AVEN: variants seen among roughly 807,000 people sequenced by gnomAD.
AVEN encodes the protein cell death regulator Aven.
In AVEN, 41 loss-of-function variants were observed where a neutral mutation model predicts 38.1. The ratio of observed to expected loss-of-function variants is 1.08; its 90% CI spans 0.84 to 1.40. The LOEUF is 1.40. Among genes scored for constraint, AVEN ranks in the 40% most tolerant of loss-of-function variants. The pLI is 0.00. For synonymous variants in AVEN, 206 were observed against 171.8 expected, an observed-to-expected ratio of 1.20 and a Z score of -1.56; for missense variants, 605 against 438.8, an observed-to-expected ratio of 1.38 and a Z score of -3.38.
At chr15:33,909,332 A>C (rs1892832522) in intron 2 of AVEN, among the ~76,000 whole-genome samples, 1 of 146,970 alleles carries the variant, frequency 6.8e-6, no homozygotes, top group Non-Finnish European at 1.5e-5. Flanking sequence ...GAGAAAAAAC[A>C]AACAAACAAA....
At chr15:33,878,463 T>C (rs945554902) in intron 2 of AVEN, among the ~76,000 whole-genome samples, 8 of 152,092 alleles carry the variant, frequency 5.3e-5, no homozygotes, top group Non-Finnish European at 1.2e-4. Flanking sequence ...CTAGGCTAGT[T>C]ACCAATATCT....
rs571095430 is a variant in AVEN at position 33,872,738 on chromosome 15, G to A, written c.517-1708C>T. 2.6e-5 allele frequency among the ~76,000 whole-genome samples: 4 copies of A among 152,248 alleles called. No homozygotes were observed. In the South Asian group the frequency reaches 6.2e-4, roughly 24 times the overall value. On this transcript the variant is annotated intron_variant, in intron 3 of 5. Coordinates refer to ENST00000306730, the MANE Select transcript of AVEN (RefSeq NM_020371.3). Reference sequence around the variant, plus strand: ...AATGTGGAATTTTAAAAACTTAGGTGATTTAAAAAATAATAAATCTGTTTG... The same window carrying A: ...AATGTGGAATTTTAAAAACTTAGGTAATTTAAAAAATAATAAATCTGTTTG...
chr15:33,942,482 G>A (rs911498036), intron 2 of AVEN, among the ~76,000 whole-genome samples: 1 of 151,312 alleles, frequency 6.6e-6, no homozygotes, highest in African/African-American at 2.4e-5. Context: ...ATGGAGTCTC[G>A]CTCTGTTGCC....
chr15:34,013,364 A>G (rs1378810811), intron 1 of AVEN, among the ~76,000 whole-genome samples: 1 of 152,242 alleles, frequency 6.6e-6, no homozygotes, highest in African/African-American at 2.4e-5. Context: ...GCCTGGCCAA[A>G]TGTTTTAAAT....
At chr15:33,936,520 T>C (rs1203748686) in intron 2 of AVEN, among the ~76,000 whole-genome samples, 2 of 152,212 alleles carry the variant, frequency 1.3e-5, no homozygotes, top group Non-Finnish European at 2.9e-5. Context: ...TTTGCCATGA[T>C]CATGGCTGAG....
chr15:33,999,166 G>A (rs988474004), intron 2 of AVEN, among the ~76,000 whole-genome samples: 2 of 152,316 alleles, frequency 1.3e-5, no homozygotes, highest in Non-Finnish European at 2.9e-5. Flanking sequence ...TGGAAGCCTT[G>A]GCAGAGGGAG....
chr15:34,023,069 C>A (rs1437999553), intron 1 of AVEN, among the ~76,000 whole-genome samples: 4 of 152,158 alleles, frequency 2.6e-5, no homozygotes, highest in African/African-American at 9.7e-5. Flanking sequence ...CGCCTGTAGT[C>A]CCAGCTACTC....
intron 1 of AVEN, among the ~76,000 whole-genome samples, chr15:34,029,120 T>A (rs1269906654): frequency 6.6e-6 from 1 of 152,088 alleles, no homozygotes; most frequent in Non-Finnish European, 1.5e-5. Flanking sequence ...TTCTCAGGCT[T>A]CCACAGCACC....
Position 33,994,623 on chromosome 15 carries a change from T to A in AVEN, c.445+8409A>T, listed in dbSNP as rs1029671605. ...GGGTGAAAGTGCTAGATCTTCAGTT[T>A]TATCAGAAAATGGCAAACTATCTTC... is the stretch of plus-strand genomic sequence containing the variant. On this transcript the variant is annotated intron_variant, in intron 2 of 5. Coordinates refer to ENST00000306730, the MANE Select transcript of AVEN (RefSeq NM_020371.3). Among the ~76,000 whole-genome samples, 6 of 152,198 alleles carry A rather than the reference T, an allele frequency of 3.9e-5. No individual in the cohort carries two copies. In the South Asian group the frequency reaches 8.3e-4, roughly 21 times the overall value.
At chr15:33,859,471 C>G in intron 11 of AVEN, 1 of 1,336,368 alleles carries the variant, frequency 7.5e-7, no homozygotes, top group South Asian at 1.3e-5. Context: ...CCTCTCGTGG[C>G]TTAGGGCTGC....
chr15:33,960,271 TG>T (rs1057356331), intron 2 of AVEN, among the ~76,000 whole-genome samples: 116 of 152,326 alleles, frequency 7.6e-4, no homozygotes, highest in Middle Eastern at 3.4e-3. Flanking sequence ...CGTCTGTGAA[TG>T]TGACATTGAA....
chr15:33,906,207 G>C (rs1219333135), intron 2 of AVEN, among the ~76,000 whole-genome samples: 2 of 152,182 alleles, frequency 1.3e-5, no homozygotes, highest in African/African-American at 4.8e-5. Flanking sequence ...GAGGGAGGGA[G>C]GGGTAGGGAA....
At chr15:33,906,218 G>C (rs1483857387) in intron 2 of AVEN, among the ~76,000 whole-genome samples, 3 of 152,148 alleles carry the variant, frequency 2.0e-5, no homozygotes, top group Non-Finnish European at 4.4e-5. Context: ...GGGTAGGGAA[G>C]GCAAACAACA....
At chr15:33,865,454 G>GAATCAAGTAATCTCTA, downstream of AVEN, 1 of 485,162 alleles carries the variant, frequency 2.1e-6, no homozygotes, top group Non-Finnish European at 3.7e-6. Flanking sequence ...GGAAGGCGAA[G>GAATCAAGTAATCTCTA]AATCAAGTAA....
chr15:33,920,819 G>A (rs187273236), intron 2 of AVEN, among the ~76,000 whole-genome samples: 6 of 152,204 alleles, frequency 3.9e-5, no homozygotes, highest in Non-Finnish European at 8.8e-5. Flanking sequence ...AGGCTGGAGT[G>A]CAGTGGTGCA....
At chr15:33,895,697 T>A (rs1892205918) in intron 2 of AVEN, among the ~76,000 whole-genome samples, 1 of 152,156 alleles carries the variant, frequency 6.6e-6, no homozygotes, top group South Asian at 2.1e-4. Flanking sequence ...AATATAGTAT[T>A]CTGAAGGCCC....
At chr15:33,875,085 C>A (rs1477603700) in intron 3 of AVEN, among the ~76,000 whole-genome samples, 1 of 152,150 alleles carries the variant, frequency 6.6e-6, no homozygotes, top group African/African-American at 2.4e-5. Flanking sequence ...AAAGGCCATC[C>A]CAAACAATTG....
At chr15:34,047,424 C>CGGGA (rs1389101753) in intron 5 of AVEN, among the ~76,000 whole-genome samples, 1 of 152,124 alleles carries the variant, frequency 6.6e-6, no homozygotes, top group Non-Finnish European at 1.5e-5. Flanking sequence ...CCTGGCAAGG[C>CGGGA]GGGAGGTCCA....
chr15:33,982,779 G>A (rs914237470), intron 2 of AVEN, among the ~76,000 whole-genome samples: 2 of 145,374 alleles, frequency 1.4e-5, no homozygotes, highest in Admixed American at 6.7e-5. Context: ...CTTATGAATC[G>A]AAAAACACAT....
Sources: allele counts gnomAD v4.1 joint callset (sites outside exome capture counted in the v4.1 genomes callset), GRCh38; gene constraint gnomAD v4.1.1; transcripts MANE v1.5; gene names NCBI Gene and HGNC (gene_info 2026-07-23, HGNC 2026-07-21).